The following RASSF5 variants were observed in gnomAD, a reference collection of about 807,000 sequenced individuals.
RASSF5 encodes the protein Ras association domain family member 5.
RASSF5 carries 25 observed loss-of-function variants against 40.5 expected under a neutral mutation model. The observed-to-expected ratio is 0.62, with a 90% CI of 0.45 to 0.86. RASSF5 has a LOEUF of 0.86. Ranked by LOEUF, RASSF5 falls within the 40% of genes least tolerant of loss-of-function variation. RASSF5 has a pLI of 0.00. For missense variants in RASSF5, 521 were observed against 572.8 expected (o/e 0.91, Z 0.92); for synonymous variants, 246 against 252.4 (o/e 0.97, Z 0.24).
Position 206,587,031 on chromosome 1 carries a change from T to C in RASSF5, c.*53T>C, listed in dbSNP as rs1669146671. ...CATTCAGATTTATTTGTATTATTAATTATTATTTTGCAACAGACACTTTTT... is the reference window on the plus strand; with the variant it reads ...CATTCAGATTTATTTGTATTATTAACTATTATTTTGCAACAGACACTTTTT... On this transcript the variant is annotated 3_prime_UTR_variant, in exon 6 of 6. Coordinates refer to ENST00000579436, the MANE Select transcript of RASSF5 (RefSeq NM_182663.4). 1.2e-6 allele frequency: 2 copies of C among 1,601,420 alleles called. No homozygotes were observed. Among genetic ancestry groups the C allele is most frequent in the Non-Finnish European group, 1.7e-6 (2 of 1,173,212 alleles).
At chr1:206,572,751 A>C (rs1668491724) in intron 2 of RASSF5, 1 of 152,270 alleles carries the variant, frequency 6.6e-6, no homozygotes, top group South Asian at 2.1e-4. Flanking sequence ...AAAGTGTTTT[A>C]ATATAGGATA....
In RASSF5 at chr1:206,586,951, A is replaced by C. The variant is rs1553407796; in HGVS notation, c.1230A>C (p.Leu410Phe). 1 of 1,614,180 alleles carries C rather than the reference A, an allele frequency of 6.2e-7. No homozygotes were observed. The highest frequency in any genetic ancestry group is 2.2e-5 in the East Asian group (1 of 44,896). Residue 410 changes from leucine (L) to phenylalanine (F), a missense_variant, in exon 6 of 6, where the codon TTA (leucine) becomes TTC (phenylalanine). Leu to Phe is a conservative substitution (Grantham distance 22). Coordinates refer to ENST00000579436, the MANE Select transcript of RASSF5 (RefSeq NM_182663.4). ...TTAGGCAGAAACTGGAGGAGGCCTT[A>C]AGAGAATCCCAGGGCAAACCTGGGT... ...DKFRQKLEEA[L>F]RESQGKPG
intron 1 of RASSF5, among the ~76,000 whole-genome samples, chr1:206,526,292 G>GTGTGTGTGTGTGTGT (rs1336963897): frequency 6.6e-6 from 1 of 152,026 alleles, no homozygotes; most frequent in Non-Finnish European, 1.5e-5. Flanking sequence ...GTGTGTGTGT[G>GTGTGTGTGTGTGTGT]TTGGAGTTGG....
At chr1:206,528,808 C>T in intron 1 of RASSF5, 2 of 375,646 alleles carry the variant, frequency 5.3e-6, no homozygotes, top group South Asian at 1.6e-4. Flanking sequence ...GAGACTGAGG[C>T]AGGGAGATCA....
At chr1:206,550,194 T>C (rs1553400867) in intron 2 of RASSF5, among the ~76,000 whole-genome samples, 1 of 152,232 alleles carries the variant, frequency 6.6e-6, no homozygotes, top group Non-Finnish European at 1.5e-5. Flanking sequence ...CATTACCTGA[T>C]AGCCAGTATT....
intron 2 of RASSF5, among the ~76,000 whole-genome samples, chr1:206,578,804 GA>G (rs1668757731): frequency 2.5e-4 from 38 of 152,208 alleles, no homozygotes; most frequent in Admixed American, 2.1e-3. Context: ...GACTCACTCA[GA>G]GCCTCTCCTT....
At chr1:206,528,867 G>A (rs1484014265) in intron 1 of RASSF5, 19 of 476,072 alleles carry the variant, frequency 4.0e-5, no homozygotes, top group East Asian at 2.7e-4. Flanking sequence ...ATGAAACCTC[G>A]TCTCTACAAA....
At chr1:206,583,663 C>A in intron 3 of RASSF5, 1 of 393,174 alleles carries the variant, frequency 2.5e-6, no homozygotes, top group East Asian at 5.6e-5. Context: ...TTAAACGGTA[C>A]GTAATGACCA....
At chr1:206,563,446 T>G (rs1043430749) in intron 2 of RASSF5, among the ~76,000 whole-genome samples, 6 of 152,138 alleles carry the variant, frequency 3.9e-5, no homozygotes, top group African/African-American at 1.4e-4. Flanking sequence ...GTCTCCCCCA[T>G]CTAAACTGGA....
chr1:206,509,740 GTT>G (rs1666567328), intron 1 of RASSF5, among the ~76,000 whole-genome samples: 2 of 148,004 alleles, frequency 1.4e-5, no homozygotes, highest in Non-Finnish European at 3.0e-5. Flanking sequence ...TTTTTTTTTG[GTT>G]TGGTGATAAT....
At chr1:206,547,917 G>A (rs1667738314) in intron 2 of RASSF5, among the ~76,000 whole-genome samples, 1 of 152,034 alleles carries the variant, frequency 6.6e-6, no homozygotes, top group South Asian at 2.1e-4. Context: ...CTGCCTGAAG[G>A]ACTTTCTTTA....
intron 2 of RASSF5, among the ~76,000 whole-genome samples, chr1:206,581,991 C>T (rs1293213492): frequency 6.6e-6 from 1 of 152,150 alleles, no homozygotes; most frequent in Non-Finnish European, 1.5e-5. Context: ...GTGTCAGAGT[C>T]ATCCCTCACT....
At chr1:206,580,485 C>T (rs182293164) in intron 2 of RASSF5, among the ~76,000 whole-genome samples, 58 of 152,138 alleles carry the variant, frequency 3.8e-4, no homozygotes, top group African/African-American at 1.2e-4. Context: ...AAGCTCCCAG[C>T]GGGAAGGTAT....
rs537802857 is a variant in RASSF5 at position 206,587,490 on chromosome 1, G to A, written c.*512G>A. Reference sequence around the variant, plus strand: ...TAATGCTCATAAAAGGACTGTTCCCGCGGCCCCAAGGTGCCTGTTGTTCAC... The same window carrying A: ...TAATGCTCATAAAAGGACTGTTCCCACGGCCCCAAGGTGCCTGTTGTTCAC... On this transcript the variant is annotated 3_prime_UTR_variant, in exon 6 of 6. Coordinates refer to ENST00000579436, the MANE Select transcript of RASSF5 (RefSeq NM_182663.4). The A allele has an allele frequency of 1.4e-4, 24 of 173,906 alleles. 1 individual carries two copies. In the South Asian group the frequency reaches 1.7e-3, roughly 12 times the overall value. 10.8% of individuals were successfully genotyped at this position (173,906 alleles called of 1,614,324 possible).
intron 3 of RASSF5, among the ~76,000 whole-genome samples, chr1:206,583,928 T>C (rs1668994488): frequency 1.3e-5 from 2 of 152,148 alleles, no homozygotes; most frequent in Admixed American, 1.3e-4. Context: ...CAGTCACAAA[T>C]GCACCTAGGT....
At chr1:206,512,894 A>T (rs934744961) in intron 1 of RASSF5, among the ~76,000 whole-genome samples, 1 of 152,356 alleles carries the variant, frequency 6.6e-6, no homozygotes, top group East Asian at 1.9e-4. Context: ...CCGCTGCTAC[A>T]TTCATGCTCA....
intron 1 of RASSF5, among the ~76,000 whole-genome samples, chr1:206,510,309 TG>T (rs1666583345): frequency 1.3e-5 from 2 of 152,150 alleles, no homozygotes; most frequent in Admixed American, 6.5e-5. Context: ...ACCAGAGCCC[TG>T]GGTTTGAATC....
At chr1:206,549,136 G>C (rs1553400705) in intron 2 of RASSF5, among the ~76,000 whole-genome samples, 1 of 152,032 alleles carries the variant, frequency 6.6e-6, no homozygotes, top group Non-Finnish European at 1.5e-5. Context: ...AAAGTGCTGA[G>C]ATTACAGGTG....
intron 1 of RASSF5, among the ~76,000 whole-genome samples, chr1:206,525,520 C>T (rs868918238): frequency 1.2e-4 from 19 of 152,200 alleles, no homozygotes; most frequent in African/African-American, 4.3e-4. Flanking sequence ...GCCATCCTCT[C>T]GCCTCACCCA....
Sources: gnomAD v4.1 joint callset for allele counts (sites outside exome capture counted in the v4.1 genomes callset) on GRCh38, gnomAD v4.1.1 for gene constraint, MANE v1.5 for transcripts, NCBI Gene and HGNC (gene_info 2026-07-23, HGNC 2026-07-21) for gene names.